The following ARHGEF28 variants were observed in gnomAD, a reference collection of about 807,000 sequenced individuals.
ARHGEF28 encodes Rho guanine nucleotide exchange factor 28.
A neutral mutation model predicts 206.6 loss-of-function variants in ARHGEF28; 152 were observed. The observed-to-expected ratio is 0.74, with a 90% CI of 0.64 to 0.84. The LOEUF is 0.84. ARHGEF28 is among the 40% of genes least tolerant of loss of function. The pLI, the probability that ARHGEF28 is intolerant of heterozygous loss-of-function variation, is 0.00. For missense variants in ARHGEF28, 2,028 were observed against 2,073.2 expected (o/e 0.98, Z 0.42); for synonymous variants, 763 against 776.4 (o/e 0.98, Z 0.29).
rs117782330 is a variant in ARHGEF28, at chr5:73,642,326, A to G, written c.-12+16004A>G. ...CATCCTAAATATTTCCAGGTGTAAA[A>G]CAGGGTTTTGTTTTTGTTTTTTTAA... On this transcript the variant is annotated intron_variant, in intron 1 of 35. Transcript: ENST00000513042. Among the ~76,000 whole-genome samples the G allele has an allele frequency of 8.5e-4, 130 of 152,240 alleles. 1 individual carries two copies. In the East Asian group the frequency reaches 0.018, roughly 21 times the overall value.
intron 4 of ARHGEF28, among the ~76,000 whole-genome samples, chr5:73,768,982 C>T (rs1282922959): frequency 6.6e-6 from 1 of 152,028 alleles, no homozygotes; most frequent in Non-Finnish European, 1.5e-5. Context: ...TTTCCCTGCA[C>T]AAGCTCCCTC....
chr5:73,697,203 C>A (rs1748269924), intron 2 of ARHGEF28, among the ~76,000 whole-genome samples: 1 of 152,168 alleles, frequency 6.6e-6, no homozygotes, highest in Non-Finnish European at 1.5e-5. Context: ...CTTTATCAGA[C>A]AGGAAGTTCC....
intron 2 of ARHGEF28, among the ~76,000 whole-genome samples, chr5:73,740,022 A>AT (rs141154619): frequency 1.3e-5 from 2 of 148,476 alleles, no homozygotes; most frequent in Non-Finnish European, 3.0e-5. Context: ...AAAAAAAAAA[A>AT]TTTAGCTAGG....
chr5:73,666,165 G>A (rs568295685), intron 1 of ARHGEF28, among the ~76,000 whole-genome samples: 1 of 152,326 alleles, frequency 6.6e-6, no homozygotes, highest in African/African-American at 2.4e-5. Flanking sequence ...CTGCTCCTGA[G>A]TAAGTCTAAA....
intron 2 of ARHGEF28, among the ~76,000 whole-genome samples, chr5:73,709,980 G>A (rs1018579092): frequency 2.0e-5 from 3 of 152,142 alleles, no homozygotes; most frequent in African/African-American, 4.8e-5. Flanking sequence ...CTCATGTGTC[G>A]AAGGCCTGGT....
intron 12 of ARHGEF28, 55 bp downstream of exon 12, chr5:73,846,530 G>A (rs2112588725): frequency 1.3e-6 from 2 of 1,520,132 alleles, no homozygotes; most frequent in Non-Finnish European, 1.8e-6. Flanking sequence ...TATGTTGTCT[G>A]CATTTACCCA....
chr5:73,887,043 T>G, intron 25 of ARHGEF28, among the ~76,000 whole-genome samples: 1 of 152,246 alleles, frequency 6.6e-6, no homozygotes, highest in East Asian at 1.9e-4. Flanking sequence ...AATGTTGTAT[T>G]GAAAAAAATA....
At chr5:73,665,333 T>A (rs950987288) in intron 1 of ARHGEF28, among the ~76,000 whole-genome samples, 6 of 152,188 alleles carry the variant, frequency 3.9e-5, no homozygotes, top group African/African-American at 1.4e-4. Context: ...ATTTATTTAT[T>A]TTTTTAGAGA....
chr5:73,834,364 A>C (rs1359894635), intron 10 of ARHGEF28, among the ~76,000 whole-genome samples: 2 of 151,736 alleles, frequency 1.3e-5, no homozygotes, highest in African/African-American at 2.4e-5. Context: ...CCTAGTAAGC[A>C]CTCTTCTACT....
rs536392529 is a variant in ARHGEF28, at chr5:73,821,141, G to C, written c.1025-11197G>C. Among the ~76,000 whole-genome samples, 5 of 152,084 alleles carry C rather than the reference G, an allele frequency of 3.3e-5. No homozygotes were observed. In the South Asian group the frequency reaches 1.0e-3, roughly 32 times the overall value. On this transcript the variant is annotated intron_variant, in intron 9 of 35. Transcript: ENST00000513042. ...ATCCCTACCTACCCGGTAGTATCTCGGAGTTGCTCAGGATAATGAAACAGG... is the reference window on the plus strand; with the variant it reads ...ATCCCTACCTACCCGGTAGTATCTCCGAGTTGCTCAGGATAATGAAACAGG...
intron 13 of ARHGEF28, among the ~76,000 whole-genome samples, chr5:73,852,133 T>C (rs1758741475): frequency 1.3e-5 from 2 of 152,170 alleles, no homozygotes; most frequent in Admixed American, 1.3e-4. Context: ...AAAATGGTCC[T>C]CCCTTTCCCA....
At chr5:73,739,595 G>A (rs1197756093) in intron 2 of ARHGEF28, among the ~76,000 whole-genome samples, 2 of 151,914 alleles carry the variant, frequency 1.3e-5, no homozygotes, top group African/African-American at 4.8e-5. Context: ...GAGGCGGGCG[G>A]ATCGCTTGAG....
rs147557569 is a variant in ARHGEF28, at chr5:73,626,865, A to G, written c.-12+543A>G. ...CATTTATGGTTACCTTGGTTGGGAAAGGTGGTCAGAATTATGTGGGACTCC... is the reference window on the plus strand; with the variant it reads ...CATTTATGGTTACCTTGGTTGGGAAGGGTGGTCAGAATTATGTGGGACTCC... On this transcript the variant is annotated intron_variant, in intron 1 of 35. Transcript: ENST00000513042. Among the ~76,000 whole-genome samples the G allele has an allele frequency of 2.8e-3, 421 of 152,358 alleles. 5 individuals are homozygous for G. Among genetic ancestry groups the G allele is most frequent in the African/African-American group, 9.7e-3 (403 of 41,576 alleles).
intron 1 of ARHGEF28, among the ~76,000 whole-genome samples, chr5:73,661,560 TAA>T (rs1305326936): frequency 2.0e-5 from 3 of 152,162 alleles, no homozygotes; most frequent in Admixed American, 6.6e-5. Flanking sequence ...CTAAGCTCAA[TAA>T]TTTCTTGCTT....
rs1320245575 is a variant in ARHGEF28, at chr5:73,892,077, T to G, written c.3413T>G (p.Leu1138Arg). Residue 1138 changes from leucine to arginine, a missense_variant, in exon 27 of 36, where the codon CTT becomes CGT. Coordinates refer to ENST00000513042, the MANE Select transcript of ARHGEF28 (RefSeq NM_001177693.2). ...AVDQKPSVIS[L>R]QKLIAREVAN... Reference sequence around the variant, plus strand: ...GATCAGAAGCCATCAGTTATTTCCCTTCAAAAGCTTATTGCTAGAGAAGTT... The same window carrying G: ...GATCAGAAGCCATCAGTTATTTCCCGTCAAAAGCTTATTGCTAGAGAAGTT... 1 of 1,601,790 alleles carries G rather than the reference T, an allele frequency of 6.2e-7. No individual in the cohort carries two copies. The highest frequency in any genetic ancestry group is 8.5e-7 in the Non-Finnish European group (1 of 1,173,498).
intron 11 of ARHGEF28, among the ~76,000 whole-genome samples, chr5:73,843,279 G>C: frequency 6.6e-6 from 1 of 152,178 alleles, no homozygotes; most frequent in East Asian, 1.9e-4. Flanking sequence ...CTTCTGTGAA[G>C]ATGTCACTGC....
chr5:73,870,169 G>A lies in ARHGEF28; in HGVS notation c.2526G>A (p.Arg842=), dbSNP rs928509989. The part of the protein sequence containing the change: ...SLVVDPSFCN[R]QEKDVIKRQD... The stretch of plus-strand genomic sequence containing the variant: ...TGGTGGATCCCTCATTTTGTAATAG[G>A]CAGGAGAAGGATGTCATCAAAAGAC... Residue 842 remains arginine (R), a synonymous_variant, in exon 21 of 36, where the codon AGG becomes AGA. Coordinates refer to ENST00000513042, the MANE Select transcript of ARHGEF28 (RefSeq NM_001177693.2). 6.2e-7 allele frequency: 1 copy of A among 1,613,856 alleles called. No homozygotes were observed. Among genetic ancestry groups the A allele is most frequent in the Admixed American group, 1.7e-5 (1 of 60,008 alleles).
At chr5:73,926,832 G>T (rs1763840732) in intron 35 of ARHGEF28, among the ~76,000 whole-genome samples, 1 of 152,202 alleles carries the variant, frequency 6.6e-6, no homozygotes, top group Admixed American at 6.5e-5. Flanking sequence ...GTGTATTTCT[G>T]CTCTGTGAGG....
intron 22 of ARHGEF28, 126 bp downstream of exon 22, chr5:73,873,372 T>G: frequency 7.9e-7 from 1 of 1,268,816 alleles, no homozygotes; most frequent in South Asian, 1.6e-5. Flanking sequence ...TCTGAGGATG[T>G]GTTTACCATC....
Sources: gnomAD v4.1 joint callset for allele counts (sites outside exome capture counted in the v4.1 genomes callset) on GRCh38, gnomAD v4.1.1 for gene constraint, MANE v1.5 for transcripts, NCBI Gene and HGNC (gene_info 2026-07-23, HGNC 2026-07-21) for gene names.